Variants in CRYAB observed in about 807,000 individuals in gnomAD.
The protein encoded by CRYAB is crystallin alpha B, also known as alpha-crystallin B chain.
In CRYAB, 9 loss-of-function variants were observed where a neutral mutation model predicts 12.7. The observed-to-expected ratio is 0.71, with a 90% confidence interval of 0.43 to 1.24. The LOEUF (loss-of-function observed/expected upper bound fraction) is 1.24, where lower values mean the gene tolerates loss of function less well. Among genes scored for constraint, CRYAB ranks in the 50% most tolerant of loss-of-function variants. CRYAB has a pLI of 0.00. For missense variants in CRYAB, 183 were observed against 226.6 expected, an observed-to-expected ratio of 0.81 and a Z score of 1.24; for synonymous variants, 93 against 86.8, an observed-to-expected ratio of 1.07 and a Z score of -0.40.
At chr11:111,919,629 T>C (rs1478728829) in intron 1 of CRYAB, among the ~76,000 whole-genome samples, 2 of 152,230 alleles carry the variant, frequency 1.3e-5, no homozygotes, top group Non-Finnish European at 2.9e-5. Flanking sequence ...TTGTAGCACT[T>C]GAGAGCTTTC....
chr11:111,908,881 C>G lies in CRYAB; in HGVS notation c.411G>C (p.Leu137=). ...DVDPLTITSS[L]SSDGVLTVNG... ...TCACAGTGAGGACCCCATCAGATGA[C>G]AGGGATGAAGTAATGGTGAGAGGGT... is the stretch of plus-strand genomic sequence containing the variant. The change falls in exon 3 of 3, where the codon CTG becomes CTC. Residue 137 remains leucine, a synonymous_variant. Transcript: ENST00000650687. 3.1e-6 allele frequency: 5 copies of G among 1,614,152 alleles called. No homozygotes were observed. The highest frequency in any genetic ancestry group is 4.2e-6 in the Non-Finnish European group (5 of 1,180,030).
chr11:111,913,201 GCCT>G (rs1566413693), upstream of CRYAB: 26 of 602,592 alleles, frequency 4.3e-5, no homozygotes, highest in East Asian at 2.8e-4. Context: ...GCCGTTTGGT[GCCT>G]CCTCCTCCTC....
Position 111,911,628 on chromosome 11 carries a change from A to C in CRYAB, c.97T>G (p.Leu33Val). Reference protein sequence around the residue: ...LFDQFFGEHLLESDLFPTSTS... With the variant: ...LFDQFFGEHLVESDLFPTSTS... ...GACGTCGGGAAAAGATCAGACTCCA[A>C]CAGGTGCTCTCCGAAGAACTGGTCA... The change falls in exon 1 of 3, where the codon TTG becomes GTG. Residue 33 changes from leucine to valine, a missense_variant. By Grantham distance (32) the Leu-to-Val change is conservative (BLOSUM62 1). Around this residue, in one of 3 missense-constraint regions of CRYAB, gnomAD observed 86 missense variants for 96.1 expected, o/e 0.89. Transcript: ENST00000650687. 1.2e-6 allele frequency: 2 copies of C among 1,612,528 alleles called. No homozygotes were observed. The highest frequency in any genetic ancestry group is 2.2e-5 in the South Asian group (2 of 90,552).
intron 1 of CRYAB, chr11:111,910,784 C>A: frequency 2.5e-6 from 1 of 399,976 alleles, no homozygotes; most frequent in Non-Finnish European, 4.7e-6. Context: ...GTCTGTGAGA[C>A]AAAGGCCTCT....
chr11:111,913,520 G>A (rs202111419), upstream of CRYAB: 2 of 1,613,960 alleles, frequency 1.2e-6, no homozygotes, highest in Non-Finnish European at 1.7e-6. Context: ...CAGCTGGGGA[G>A]GGCAGCAGGG....
chr11:111,916,106 A>C (rs1965594074), upstream of CRYAB, among the ~76,000 whole-genome samples: 1 of 152,156 alleles, frequency 6.6e-6, no homozygotes, highest in Non-Finnish European at 1.5e-5. Context: ...TTGAATCAAA[A>C]TCTGCATTTC....
At chr11:111,910,016 A>G (rs1349771842) in intron 2 of CRYAB, 4 of 614,532 alleles carry the variant, frequency 6.5e-6, no homozygotes, top group Admixed American at 2.8e-5. Flanking sequence ...CCCGAGCATT[A>G]GGTTTTTTGA....
intron 1 of CRYAB, chr11:111,918,898 C>T: frequency 6.3e-7 from 1 of 1,581,880 alleles, no homozygotes; most frequent in Middle Eastern, 1.7e-4. Context: ...CCGCGGAAAG[C>T]TCAACCAGGA....
intron 1 of CRYAB, 124 bp from the exon 2 acceptor site, chr11:111,910,573 T>TA (rs1555165441): frequency 1.8e-5 from 22 of 1,240,922 alleles, no homozygotes; most frequent in Admixed American, 1.4e-4. Context: ...CTTCTCTGCT[T>TA]AAAAAATCTC....
chr11:111,913,129 GTGCTGATACC>G (rs1965523393), upstream of CRYAB: 4 of 618,702 alleles, frequency 6.5e-6, no homozygotes, highest in Non-Finnish European at 1.2e-5. Flanking sequence ...GGTGCTTGCA[GTGCTGATACC>G]TGCTCTTTGC....
chr11:111,912,594 AAG>A (rs1195817187), upstream of CRYAB: 1 of 572,488 alleles, frequency 1.7e-6, no homozygotes, highest in Non-Finnish European at 3.1e-6. Flanking sequence ...GCGACAGCTG[AAG>A]AGTGTGCGGG....
chr11:111,909,037 A>G (rs1566403450), intron 2 of CRYAB, 70 bp from the exon 3 acceptor site: 2 of 1,522,244 alleles, frequency 1.3e-6, no homozygotes, highest in African/African-American at 2.7e-5. Context: ...CCCAGAACTC[A>G]GGCATCCTGA....
chr11:111,908,669 C>T lies in CRYAB; in HGVS notation c.*95G>A. On this transcript the variant is annotated 3_prime_UTR_variant, in exon 3 of 3. Coordinates refer to ENST00000650687, the MANE Select transcript of CRYAB (RefSeq NM_001289808.2). ...ATTAGCTTGATAATTTGGGCCTGCC[C>T]TTAGCATTAATAAGCTTCAGCACTA... The T allele has an allele frequency of 3.2e-6, 4 of 1,253,854 alleles. No individual in the cohort carries two copies. The highest frequency in any genetic ancestry group is 4.7e-6 in the Non-Finnish European group (4 of 859,230). 77.7% of individuals were successfully genotyped at this position (1,253,854 alleles called of 1,614,324 possible).
chr11:111,913,217 C>T, upstream of CRYAB: 2 of 604,302 alleles, frequency 3.3e-6, no homozygotes, highest in South Asian at 2.0e-5. Flanking sequence ...TCCTCCTCCC[C>T]CTCCTCCTCC....
At chr11:111,921,335 T>A (rs1555166550) in intron 1 of CRYAB, among the ~76,000 whole-genome samples, 1 of 152,174 alleles carries the variant, frequency 6.6e-6, no homozygotes, top group Non-Finnish European at 1.5e-5. Context: ...CCTTGTTGAG[T>A]AAGAAATACC....
At chr11:111,917,411 G>A (rs1965613320), upstream of CRYAB, among the ~76,000 whole-genome samples, 1 of 152,162 alleles carries the variant, frequency 6.6e-6, no homozygotes, top group African/African-American at 2.4e-5. Context: ...ATAGTGCAAT[G>A]ATTGGGGCAC....
upstream of CRYAB, chr11:111,914,089 A>G: frequency 1.7e-6 from 1 of 592,726 alleles, no homozygotes; most frequent in Non-Finnish European, 3.0e-6. Flanking sequence ...CCCAAATCTC[A>G]GGGCCTTGTT....
At chr11:111,913,216 C>T (rs530963227), upstream of CRYAB, 4 of 603,868 alleles carry the variant, frequency 6.6e-6, no homozygotes, top group South Asian at 6.1e-5. Flanking sequence ...CTCCTCCTCC[C>T]CCTCCTCCTC....
At chr11:111,912,183 A>G, upstream of CRYAB, 1 of 221,850 alleles carries the variant, frequency 4.5e-6, no homozygotes, top group South Asian at 7.9e-5. Context: ...AGGGACTGGA[A>G]TCTTCCTAGG....
Sources: allele counts gnomAD v4.1 joint callset (sites outside exome capture counted in the v4.1 genomes callset), GRCh38; gene constraint gnomAD v4.1.1; regional missense constraint gnomAD v4.1.1; transcripts MANE v1.5; gene names NCBI Gene and HGNC (gene_info 2026-07-23, HGNC 2026-07-21).